RSRC1: variants seen among roughly 807,000 people sequenced by gnomAD.
RSRC1 encodes the protein arginine and serine rich coiled-coil 1.
RSRC1 carries 39 observed loss-of-function variants against 49.1 expected under a neutral mutation model. The observed-to-expected ratio is 0.79, with a 90% CI of 0.61 to 1.04. RSRC1 has a LOEUF of 1.04. Ranked by LOEUF, RSRC1 falls within the 50% of genes least tolerant of loss-of-function variation. RSRC1 has a pLI of 0.00. For missense variants in RSRC1, 388 were observed against 402.4 expected, an observed-to-expected ratio of 0.96 and a Z score of 0.31; for synonymous variants, 143 against 130.8, an observed-to-expected ratio of 1.09 and a Z score of -0.63.
intron 7 of RSRC1, among the ~76,000 whole-genome samples, chr3:158,507,364 G>A (rs1050964645): frequency 6.6e-6 from 1 of 152,010 alleles, no homozygotes; most frequent in African/African-American, 2.4e-5. Context: ...ATATATTTCA[G>A]AATAGCTAGA....
chr3:158,187,116 TTTTAAGAATC>T (rs1719976063), intron 3 of RSRC1, among the ~76,000 whole-genome samples: 1 of 151,944 alleles, frequency 6.6e-6, no homozygotes, highest in African/African-American at 2.4e-5. Context: ...ACCTCTGAAC[TTTTAAGAATC>T]CAGTTTTCTC....
At chr3:158,209,768 T>C (rs1461586470) in intron 4 of RSRC1, among the ~76,000 whole-genome samples, 4 of 152,102 alleles carry the variant, frequency 2.6e-5, no homozygotes, top group Admixed American at 2.6e-4. Context: ...TTGAGAGAGG[T>C]AAGAATTTGC....
intron 6 of RSRC1, among the ~76,000 whole-genome samples, chr3:158,409,253 A>G (rs1734306641): frequency 6.6e-6 from 1 of 152,056 alleles, no homozygotes; most frequent in African/African-American, 2.4e-5. Flanking sequence ...TTGCCTGTGT[A>G]ACAAACCTAC....
At chr3:158,475,759 G>A (rs1224493195) in intron 7 of RSRC1, among the ~76,000 whole-genome samples, 3 of 151,744 alleles carry the variant, frequency 2.0e-5, no homozygotes, top group Non-Finnish European at 4.4e-5. Context: ...TGGCCTGGAG[G>A]CTCCCTATTC....
intron 6 of RSRC1, among the ~76,000 whole-genome samples, chr3:158,379,814 G>GCACACACACACACACACA (rs140953408): frequency 2.4e-4 from 35 of 147,010 alleles, no homozygotes; most frequent in Non-Finnish European, 4.2e-4. Context: ...ACACGCGCAT[G>GCACACACACACACACACA]CACACACACA....
intron 4 of RSRC1, among the ~76,000 whole-genome samples, chr3:158,245,967 C>T (rs553982982): frequency 6.6e-6 from 1 of 152,128 alleles, no homozygotes; most frequent in Admixed American, 6.6e-5. Flanking sequence ...TACAGTGTAC[C>T]AATGGGTCTT....
At chr3:158,351,886 CTA>C (rs1184956657) in intron 5 of RSRC1, among the ~76,000 whole-genome samples, 1 of 140,952 alleles carries the variant, frequency 7.1e-6, no homozygotes, top group Non-Finnish European at 1.5e-5. Context: ...TGATATATAA[CTA>C]TTATATAATA....
At position 158,202,562 on chromosome 3, in the gene RSRC1, T is replaced by TTATATATATATATATATATATATA. The variant is rs56789942; in HGVS notation, c.321-491_321-490insATATATATATATATATATATATAT. On this transcript the variant is annotated intron_variant, in intron 3 of 9. Coordinates refer to ENST00000611884, the MANE Select transcript of RSRC1 (RefSeq NM_001271838.2). Reference sequence around the variant, plus strand: ...TCTGTAGGGTTGTCAGTCTGGTAGATTATATATATATATATATATGTTTTA... The same window carrying TTATATATATATATATATATATATA: ...TCTGTAGGGTTGTCAGTCTGGTAGATTATATATATATATATATATATATATATATATATATATATATATGTTTTA... Among the ~76,000 whole-genome samples, 117 of 91,964 alleles carry TTATATATATATATATATATATATA rather than the reference T, an allele frequency of 1.3e-3. 2 individuals carry two copies. Among genetic ancestry groups the TTATATATATATATATATATATATA allele is most frequent in the African/African-American group, 4.9e-3 (93 of 18,906 alleles). 60.3% of individuals were successfully genotyped at this position (91,964 alleles called of 152,430 possible). A position where few individuals can be genotyped will look rare whatever the true frequency, so the allele number is the denominator to read the frequency against.
intron 4 of RSRC1, among the ~76,000 whole-genome samples, chr3:158,290,194 G>A (rs926749254): frequency 6.6e-6 from 1 of 152,090 alleles, no homozygotes; most frequent in Non-Finnish European, 1.5e-5. Flanking sequence ...TGTAAGGCGA[G>A]AAAAATTTGA....
chr3:158,501,453 G>A (rs1436721894), intron 7 of RSRC1, among the ~76,000 whole-genome samples: 1 of 152,070 alleles, frequency 6.6e-6, no homozygotes, highest in Non-Finnish European at 1.5e-5. Flanking sequence ...GCTGTCAGTG[G>A]AGTATTGAAG....
intron 8 of RSRC1, among the ~76,000 whole-genome samples, chr3:158,541,139 A>G (rs1257965327): frequency 1.3e-5 from 2 of 152,014 alleles, no homozygotes; most frequent in Non-Finnish European, 2.9e-5. Context: ...TCTGATCTTC[A>G]AAGACACCAA....
intron 4 of RSRC1, among the ~76,000 whole-genome samples, chr3:158,253,127 G>C (rs1007323964): frequency 6.6e-6 from 1 of 151,286 alleles, no homozygotes; most frequent in Admixed American, 6.6e-5. Flanking sequence ...GGTTTGGTTT[G>C]GTCTTCTATT....
intron 4 of RSRC1, among the ~76,000 whole-genome samples, chr3:158,214,223 G>A (rs1359941456): frequency 6.6e-6 from 1 of 151,534 alleles, no homozygotes; most frequent in Non-Finnish European, 1.5e-5. Context: ...AGTAGTTTTC[G>A]GTTATCAAAG....
rs373829883 is a variant in RSRC1 at position 158,122,230 on chromosome 3, G to C, written c.126G>C (p.Arg42Ser). Residue 42 changes from arginine (R) to serine (S), a missense_variant, in exon 2 of 10, where the codon AGG becomes AGC. By Grantham distance (110) the Arg-to-Ser change is moderately radical. Transcript: ENST00000611884. ...CATACAGCCGAAAGAAAGGAGGAAG[G>C]AAATCAAGATCAAAGTCAAGATCTT... ...SRTYSRKKGG[R>S]KSRSKSRSWS... 6.2e-7 allele frequency: 1 copy of C among 1,605,956 alleles called. No homozygotes were observed. The highest frequency in any genetic ancestry group is 8.5e-7 in the Non-Finnish European group (1 of 1,175,444).
intron 6 of RSRC1, among the ~76,000 whole-genome samples, chr3:158,387,617 T>C (rs1457012625): frequency 6.6e-6 from 1 of 152,158 alleles, no homozygotes; most frequent in Non-Finnish European, 1.5e-5. Context: ...TTGTTAATAA[T>C]TTAAACTACT....
At chr3:158,205,322 A>C (rs1194629694) in intron 4 of RSRC1, among the ~76,000 whole-genome samples, 2 of 152,142 alleles carry the variant, frequency 1.3e-5, no homozygotes, top group African/African-American at 4.8e-5. Context: ...TTCTGGACTT[A>C]GAATCTTTTG....
At chr3:158,178,450 T>G (rs1719382989) in intron 3 of RSRC1, among the ~76,000 whole-genome samples, 1 of 152,206 alleles carries the variant, frequency 6.6e-6, no homozygotes, top group Non-Finnish European at 1.5e-5. Context: ...CAGTTAAAGC[T>G]ATTTTAGTCT....
At chr3:158,145,753 C>T (rs1340330047) in intron 3 of RSRC1, among the ~76,000 whole-genome samples, 3 of 152,164 alleles carry the variant, frequency 2.0e-5, no homozygotes, top group African/African-American at 7.2e-5. Flanking sequence ...ATTGCTTCTT[C>T]CTATCCATGA....
intron 3 of RSRC1, among the ~76,000 whole-genome samples, chr3:158,192,991 G>A (rs1346545753): frequency 1.3e-5 from 2 of 152,072 alleles, no homozygotes; most frequent in East Asian, 3.9e-4. Context: ...TATTTCATAT[G>A]CTTCTGATTC....
Sources: allele counts gnomAD v4.1 joint callset (sites outside exome capture counted in the v4.1 genomes callset), GRCh38; gene constraint gnomAD v4.1.1; transcripts MANE v1.5; gene names NCBI Gene and HGNC (gene_info 2026-07-23, HGNC 2026-07-21).